The following GRID1 variants were observed in gnomAD, a reference collection of about 807,000 sequenced individuals.
GRID1 encodes glutamate ionotropic receptor delta type subunit 1.
In GRID1, 28 loss-of-function variants were observed where a neutral mutation model predicts 98.0. The ratio of observed to expected loss-of-function variants is 0.29; its 90% CI spans 0.21 to 0.39. The LOEUF (loss-of-function observed/expected upper bound fraction) is 0.39, where lower values mean the gene tolerates loss of function less well. GRID1 is among the 10% of genes least tolerant of loss of function. GRID1 has a pLI of 1.00. For synonymous variants in GRID1, 553 were observed against 538.5 expected, an observed-to-expected ratio of 1.03 and a Z score of -0.37; for missense variants, 1,111 against 1,340.5, an observed-to-expected ratio of 0.83 and a Z score of 2.67.
At chr10:85,943,206 A>C (rs1842016605) in intron 4 of GRID1, among the ~76,000 whole-genome samples, 1 of 152,190 alleles carries the variant, frequency 6.6e-6, no homozygotes, top group African/African-American at 2.4e-5. Context: ...CCCTACCAAA[A>C]AATTATATAT....
At chr10:85,799,447 C>T (rs934577581) in intron 8 of GRID1, among the ~76,000 whole-genome samples, 7 of 152,096 alleles carry the variant, frequency 4.6e-5, no homozygotes, top group African/African-American at 1.2e-4. Flanking sequence ...CTCACAATAA[C>T]TAAGATATAG....
Position 85,773,430 on chromosome 10 carries a change from C to T in GRID1, c.1234-43816G>A, listed in dbSNP as rs570035757. 2.0e-4 allele frequency among the ~76,000 whole-genome samples: 31 copies of T among 152,334 alleles called. No homozygotes were observed. The South Asian group carries it at 6.4e-3, about 32-fold the overall frequency. Reference sequence around the variant, plus strand: ...AACTGGCACAAGACAGGGATGCCCCCTCTCACCACTCCTATTCAACATAGT... The same window carrying T: ...AACTGGCACAAGACAGGGATGCCCCTTCTCACCACTCCTATTCAACATAGT... On this transcript the variant is annotated intron_variant, in intron 8 of 15. Transcript: ENST00000327946.
chr10:86,028,141 C>T (rs573354371), intron 4 of GRID1, among the ~76,000 whole-genome samples: 1 of 152,310 alleles, frequency 6.6e-6, no homozygotes, highest in Non-Finnish European at 1.5e-5. Context: ...CTAAAGCTGC[C>T]TCCTGCATCT....
intron 5 of GRID1, among the ~76,000 whole-genome samples, chr10:85,881,515 C>T (rs563958566): frequency 2.0e-5 from 3 of 151,930 alleles, no homozygotes; most frequent in African/African-American, 7.3e-5. Context: ...CAAAAACAAG[C>T]AATGGGGAAA....
intron 4 of GRID1, among the ~76,000 whole-genome samples, chr10:85,938,702 A>G (rs888466906): frequency 6.6e-6 from 1 of 152,080 alleles, no homozygotes; most frequent in Non-Finnish European, 1.5e-5. Context: ...CCAATTAAAA[A>G]CCCAGTCCTC....
Position 85,599,821 on chromosome 10 carries a change from A to ATATATATATATATATATAT in GRID1, c.*2451_*2452insATATATATATATATATATA, listed in dbSNP as rs1470286241. 4.6e-5 allele frequency: 6 copies of ATATATATATATATATATAT among 129,338 alleles called. No homozygotes were observed. Among genetic ancestry groups the ATATATATATATATATATAT allele is most frequent in the African/African-American group, 9.3e-5 (3 of 32,132 alleles). 8.0% of individuals were successfully genotyped at this position (129,338 alleles called of 1,614,324 possible). Reference sequence around the variant, plus strand: ...AAAAAAAATATATATATATATATATAAACATGGTGAAGAATAACACCATGA... The same window carrying ATATATATATATATATATAT: ...AAAAAAAATATATATATATATATATATATATATATATATATATATAACATGGTGAAGAATAACACCATGA... On this transcript the variant is annotated 3_prime_UTR_variant, in exon 16 of 16. Coordinates refer to ENST00000327946, the MANE Select transcript of GRID1 (RefSeq NM_017551.3).
intron 3 of GRID1, among the ~76,000 whole-genome samples, chr10:86,198,426 T>C (rs1244026231): frequency 2.0e-5 from 3 of 152,038 alleles, no homozygotes; most frequent in Non-Finnish European, 2.9e-5. Flanking sequence ...ATTCACCAGG[T>C]CTGCCTTGGG....
At chr10:85,757,180 T>C (rs1842107582) in intron 8 of GRID1, among the ~76,000 whole-genome samples, 1 of 152,190 alleles carries the variant, frequency 6.6e-6, no homozygotes, top group African/African-American at 2.4e-5. Flanking sequence ...ACAGCCTCAA[T>C]GCCTTCAACT....
chr10:86,276,087 A>G (rs913882432), intron 2 of GRID1, among the ~76,000 whole-genome samples: 5 of 152,254 alleles, frequency 3.3e-5, no homozygotes, highest in African/African-American at 9.6e-5. Context: ...TGGGAGTGTC[A>G]TAACAGAATA....
intron 2 of GRID1, among the ~76,000 whole-genome samples, chr10:86,292,981 G>A (rs752317507): frequency 6.6e-6 from 1 of 152,054 alleles, no homozygotes; most frequent in Non-Finnish European, 1.5e-5. Flanking sequence ...ACTGGGCCTG[G>A]ACTCTACGAA....
At chr10:86,066,815 G>A (rs1843725874) in intron 4 of GRID1, among the ~76,000 whole-genome samples, 1 of 152,180 alleles carries the variant, frequency 6.6e-6, no homozygotes, top group Non-Finnish European at 1.5e-5. Flanking sequence ...GTGCCTAGAT[G>A]TCACTGCAGA....
At chr10:86,097,550 C>G (rs994005345) in intron 4 of GRID1, among the ~76,000 whole-genome samples, 1 of 152,130 alleles carries the variant, frequency 6.6e-6, no homozygotes, top group Non-Finnish European at 1.5e-5. Context: ...TATCTATCAT[C>G]TATCTATCTA....
chr10:85,834,980 G>A (rs1460104355), intron 8 of GRID1, among the ~76,000 whole-genome samples: 1 of 152,052 alleles, frequency 6.6e-6, no homozygotes, highest in East Asian at 1.9e-4. Flanking sequence ...AACATGGTGG[G>A]TTAATGTCAA....
intron 2 of GRID1, chr10:86,264,772 CG>C (rs1847078554): frequency 2.0e-6 from 1 of 492,948 alleles, no homozygotes; most frequent in Admixed American, 2.2e-5. Context: ...GGCAGACAGA[CG>C]CCCAACACAG....
Position 85,723,171 on chromosome 10 carries a change from A to C in GRID1, c.1859-30T>G, listed in dbSNP as rs766754064. 1.6e-5 allele frequency: 26 copies of C among 1,581,556 alleles called. No individual in the cohort carries two copies. In the Admixed American group the frequency reaches 2.6e-4, roughly 16 times the overall value. ...GGGAGGCAGACAAAGTGGATTGGCC[A>C]GTGGCTTCTGCTCTCCCTCCTATCC... On this transcript the variant is annotated intron_variant, in intron 11 of 15. Coordinates refer to ENST00000327946, the MANE Select transcript of GRID1 (RefSeq NM_017551.3).
At chr10:86,167,743 A>G (rs1362328519) in intron 3 of GRID1, among the ~76,000 whole-genome samples, 1 of 152,206 alleles carries the variant, frequency 6.6e-6, no homozygotes. Flanking sequence ...AGAGACTCTG[A>G]TGTTAGACAC....
At chr10:86,311,182 C>T (rs1847827033) in intron 2 of GRID1, among the ~76,000 whole-genome samples, 2 of 152,196 alleles carry the variant, frequency 1.3e-5, no homozygotes, top group South Asian at 4.1e-4. Context: ...CGGAGTTATT[C>T]CCTCATTACC....
intron 4 of GRID1, among the ~76,000 whole-genome samples, chr10:86,112,768 T>C (rs1286244716): frequency 6.6e-6 from 1 of 152,156 alleles, no homozygotes; most frequent in Admixed American, 6.5e-5. Context: ...TAACGATACA[T>C]CATGAGAACC....
intron 15 of GRID1, 60 bp from the exon 16 acceptor site, chr10:85,602,761 C>T: frequency 1.5e-6 from 2 of 1,309,530 alleles, no homozygotes; most frequent in Admixed American, 2.0e-5. Context: ...GGCTGGCTTG[C>T]TACAGCTCTG....
Sources: allele counts gnomAD v4.1 joint callset (sites outside exome capture counted in the v4.1 genomes callset), GRCh38; gene constraint gnomAD v4.1.1; transcripts MANE v1.5; gene names NCBI Gene and HGNC (gene_info 2026-07-23, HGNC 2026-07-21).